MYO1C: variants seen among roughly 807,000 people sequenced by gnomAD.
The protein encoded by MYO1C is myosin IC.
Under a neutral mutation model 150.8 loss-of-function variants are expected in MYO1C, and 104 were observed. The ratio of observed to expected loss-of-function variants is 0.69; its 90% CI spans 0.59 to 0.81. MYO1C has a LOEUF of 0.81. Among genes scored for constraint, MYO1C ranks in the 30% least tolerant of loss-of-function variants. The pLI is 0.00. For synonymous variants in MYO1C, 663 were observed against 579.9 expected, an observed-to-expected ratio of 1.14 and a Z score of -2.06; for missense variants, 1,504 against 1,435.0, an observed-to-expected ratio of 1.05 and a Z score of -0.78.
Position 1,470,819 on chromosome 17 carries a change from TGAA to T in MYO1C, c.2213-133_2213-131del, listed in dbSNP as rs1029339092. The T allele has an allele frequency of 1.1e-4, 110 of 1,040,524 alleles. 1 individual carries two copies. Among genetic ancestry groups the T allele is most frequent in the Admixed American group, 2.6e-4 (13 of 49,170 alleles). 64.5% of individuals were successfully genotyped at this position (1,040,524 alleles called of 1,614,324 possible). A position where few individuals can be genotyped will look rare whatever the true frequency, so the allele number is the denominator to read the frequency against. On this transcript the variant is annotated intron_variant, in intron 21 of 31. Coordinates refer to ENST00000648651, the MANE Select transcript of MYO1C (RefSeq NM_001080779.2). ...GAACCAACGAGCAGGAGGAGAGTGG[TGAA>T]GAAGAATGAATGTGGGGACTGCCCG... is the stretch of plus-strand genomic sequence containing the variant.
At chr17:1,476,033 G>A (rs1485532528) in intron 14 of MYO1C, among the ~76,000 whole-genome samples, 1 of 152,192 alleles carries the variant, frequency 6.6e-6, no homozygotes, top group Non-Finnish European at 1.5e-5. Flanking sequence ...TGGGCGACGG[G>A]ATCACAGGTG....
intron 21 of MYO1C, 118 bp from the exon 22 acceptor site, chr17:1,470,807 G>A (rs1270866649): frequency 1.8e-6 from 2 of 1,127,354 alleles, no homozygotes; most frequent in Admixed American, 2.0e-5. Flanking sequence ...CCAACGAGCA[G>A]GAGGAGAGTG....
At chr17:1,472,325 A>G in intron 17 of MYO1C, 97 bp from the exon 18 acceptor site, 3 of 1,050,836 alleles carry the variant, frequency 2.9e-6, no homozygotes, top group Non-Finnish European at 4.3e-6. Flanking sequence ...TGACGCGCGC[A>G]GCAGCCTCTG....
chr17:1,474,853 G>C lies in MYO1C; in HGVS notation c.1675C>G (p.Leu559Val). ...GEVTYSVTGF[L>V]DKNNDLLFRN... The stretch of plus-strand genomic sequence containing the variant: ...AAGAGAAGGTCATTGTTTTTGTCCA[G>C]AAACCCTGGGAGGGGAGAACCGACG... Residue 559 changes from leucine (L) to valine (V), a missense_variant, in exon 16 of 32, where the codon CTG becomes GTG. By Grantham distance (32) the Leu-to-Val change is conservative. Coordinates refer to ENST00000648651, the MANE Select transcript of MYO1C (RefSeq NM_001080779.2). 1 of 1,613,870 alleles carries C rather than the reference G, an allele frequency of 6.2e-7. No individual in the cohort carries two copies. The highest frequency in any genetic ancestry group is 8.5e-7 in the Non-Finnish European group (1 of 1,179,992).
Position 1,471,280 on chromosome 17 carries a change from C to T in MYO1C, c.2078G>A (p.Gly693Glu), listed in dbSNP as rs1171031180. 1 of 1,614,018 alleles carries T rather than the reference C, an allele frequency of 6.2e-7. No homozygotes were observed. The highest frequency in any genetic ancestry group is 8.5e-7 in the Non-Finnish European group (1 of 1,179,998). ...CAGGTGTCGGACCAGCACAGCCACC[C>T]CATCCTGCGGCCGTCCTGCCCACGT... Reference protein sequence around the residue: ...WPTWAGRPQDGVAVLVRHLGY... With the variant: ...WPTWAGRPQDEVAVLVRHLGY... The change falls in exon 20 of 32, where the codon GGG becomes GAG. Residue 693 changes from glycine (G) to glutamate (E), a missense_variant. Coordinates refer to ENST00000648651, the MANE Select transcript of MYO1C (RefSeq NM_001080779.2).
In MYO1C at chr17:1,480,847, C is replaced by A. The variant is rs540645895; in HGVS notation, c.666G>T (p.Leu222=). The change falls in exon 6 of 32, where the codon CTG becomes CTT. Residue 222 remains leucine, a synonymous_variant. Coordinates refer to ENST00000648651, the MANE Select transcript of MYO1C (RefSeq NM_001080779.2). ...PVGGHILSYL[L]EKSRVVHQNH... The stretch of plus-strand genomic sequence containing the variant: ...TCTGGTGCACCACTCGTGACTTTTC[C>A]AGGAGGTAACTGAGGATGTGGCCAC... 1 of 1,614,136 alleles carries A rather than the reference C, an allele frequency of 6.2e-7. No individual in the cohort carries two copies. The highest frequency in any genetic ancestry group is 1.7e-5 in the Admixed American group (1 of 60,030).
chr17:1,472,736 C>A (rs1178467816), intron 17 of MYO1C, among the ~76,000 whole-genome samples: 1 of 152,062 alleles, frequency 6.6e-6, no homozygotes, highest in Non-Finnish European at 1.5e-5. Context: ...TTCATCCAGT[C>A]TGAGGGTTAG....
rs752534208 is a variant in MYO1C at position 1,485,657 on chromosome 17, G to A, written c.76-1354C>T. 7.5e-6 allele frequency: 9 copies of A among 1,207,790 alleles called. 1 individual carries two copies. The South Asian group carries it at 2.6e-4, about 34-fold the overall frequency. The allele number at this position is 1,207,790 out of a possible 1,614,324, so 74.8% of individuals were successfully genotyped here. A position where few individuals can be genotyped will look rare whatever the true frequency, so the allele number is the denominator to read the frequency against. ...CGCCGCGAGGTGGGGAGGGACGCCC[G>A]GGACCCCCCGCCCTGCCCCGCCGCC... On this transcript the variant is annotated intron_variant, in intron 1 of 31. Transcript: ENST00000648651.
rs745841017 is a variant in MYO1C at position 1,471,097 on chromosome 17, G to C, written c.2186C>G (p.Ala729Gly). ...FPKTLFATED[A>G]LEVRRQSLAT... ...CAGGCTCTGCCGCCGGACCTCCAGG[G>C]CATCCTCTGTGGCAAACAGGGTCTT... The change falls in exon 21 of 32, where the codon GCC becomes GGC. Residue 729 changes from alanine (A) to glycine (G), a missense_variant. By Grantham distance (60) the Ala-to-Gly change is moderately conservative. Transcript: ENST00000648651. The C allele has an allele frequency of 1.2e-6, 2 of 1,614,134 alleles. No individual in the cohort carries two copies. The highest frequency in any genetic ancestry group is 1.7e-5 in the Admixed American group (1 of 60,014).
Position 1,478,084 on chromosome 17 carries a change from C to T in MYO1C, c.1401+3G>A. The T allele has an allele frequency of 6.2e-7, 1 of 1,614,102 alleles. No homozygotes were observed. Among genetic ancestry groups the T allele is most frequent in the Admixed American group, 1.7e-5 (1 of 60,032 alleles). On this transcript the variant is annotated splice_donor_region_variant and intron_variant, in intron 12 of 31. Transcript: ENST00000648651. The surrounding 1 kb of genome is among the most constrained non-coding windows in gnomAD (Gnocchi z 6.3). The stretch of plus-strand genomic sequence containing the variant: ...CGGAGAGTGCCCCCAGGCTAGCACA[C>T]ACCGCGATGCCCTCTGCCTCGTACT...
chr17:1,474,440 A>G (rs1022629496), intron 17 of MYO1C, among the ~76,000 whole-genome samples, 170 bp downstream of exon 17: 8 of 151,548 alleles, frequency 5.3e-5, no homozygotes, highest in African/African-American at 1.7e-4. Flanking sequence ...AAAAAAAAAA[A>G]AAAAAAAAAA....
rs533458718 is a variant in MYO1C, at chr17:1,472,080, C to T, written c.1903+43G>A. 74 of 1,613,170 alleles carry T rather than the reference C, an allele frequency of 4.6e-5. No individual in the cohort carries two copies. In the South Asian group the frequency reaches 6.5e-4, roughly 14 times the overall value. ...GCTGGCGCTGACGGCCTGTCTCCTG[C>T]AGGGGAGGCCCGGCCCCGAAGTCCC... is the stretch of plus-strand genomic sequence containing the variant. On this transcript the variant is annotated intron_variant, in intron 18 of 31. Transcript: ENST00000648651.
At chr17:1,489,866 C>T (rs958421120) in intron 1 of MYO1C, among the ~76,000 whole-genome samples, 5 of 151,740 alleles carry the variant, frequency 3.3e-5, no homozygotes, top group African/African-American at 1.2e-4. Context: ...TGGTGAAACC[C>T]TGTTTCAACT....
Position 1,480,825 on chromosome 17 carries a change from G to T in MYO1C, c.688C>A (p.Gln230Lys). 6.2e-7 allele frequency: 1 copy of T among 1,614,180 alleles called. No individual in the cohort carries two copies. The highest frequency in any genetic ancestry group is 8.5e-7 in the Non-Finnish European group (1 of 1,180,034). The change falls in exon 6 of 32, where the codon CAG (glutamine) becomes AAG (lysine). Residue 230 changes from glutamine (Q) to lysine (K), a missense_variant. Physicochemically the swap from Gln to Lys is moderately conservative, Grantham distance 53. Coordinates refer to ENST00000648651, the MANE Select transcript of MYO1C (RefSeq NM_001080779.2). ...YLLEKSRVVH[Q>K]NHGERNFHIF... ...TGGAAGTTCCGCTCCCCATGATTCT[G>T]GTGCACCACTCGTGACTTTTCCAGG...
At position 1,465,653 on chromosome 17, in the gene MYO1C, C is replaced by CT. The variant is rs2074154267; in HGVS notation, c.*72dup. The CT allele has an allele frequency of 7.7e-7, 1 of 1,304,130 alleles. No individual in the cohort carries two copies. Among genetic ancestry groups the CT allele is most frequent in the Admixed American group, 3.0e-5 (1 of 32,810 alleles). 80.8% of individuals were successfully genotyped at this position (1,304,130 alleles called of 1,614,324 possible). The stretch of plus-strand genomic sequence containing the variant: ...TGGGTCCCTGTCTGGAAGTTCGAGT[C>CT]TTTGGTAACTGGGAAGGGGAGGAGG... On this transcript the variant is annotated 3_prime_UTR_variant, in exon 32 of 32. Transcript: ENST00000648651.
In MYO1C at chr17:1,465,588, G is replaced by A. The variant is rs2074153122; in HGVS notation, c.*138C>T. ...TGCTGCTCCCTCAAGAGAGGGATGG[G>A]CAGGAGGTGGGAGATTGCAGGTGGG... On this transcript the variant is annotated 3_prime_UTR_variant, in exon 32 of 32. Transcript: ENST00000648651. 6 of 922,324 alleles carry A rather than the reference G, an allele frequency of 6.5e-6. No homozygotes were observed. The allele number at this position is 922,324 out of a possible 1,614,324, so 57.1% of individuals were successfully genotyped here. A position where few individuals can be genotyped will look rare whatever the true frequency, so the allele number is the denominator to read the frequency against.
chr17:1,470,834 G>A (rs749219846), intron 21 of MYO1C, 145 bp from the exon 22 acceptor site: 1 of 988,014 alleles, frequency 1.0e-6, no homozygotes, highest in South Asian at 1.4e-5. Context: ...AAGAATGAAT[G>A]TGGGGACTGC....
In MYO1C at chr17:1,478,022, T is replaced by C. The variant is rs373964214; in HGVS notation, c.1402-51A>G. The C allele has an allele frequency of 5.8e-5, 94 of 1,612,274 alleles. No homozygotes were observed. The African/African-American group carries it at 1.2e-3, about 20-fold the overall frequency. ...ATCACCGTGGGGTCCTGGCACCCTCTCCCAGGGGCCCCGATACCCAGGCTC... is the reference window on the plus strand; with the variant it reads ...ATCACCGTGGGGTCCTGGCACCCTCCCCCAGGGGCCCCGATACCCAGGCTC... On this transcript the variant is annotated intron_variant, in intron 12 of 31. Coordinates refer to ENST00000648651, the MANE Select transcript of MYO1C (RefSeq NM_001080779.2). The surrounding 1 kb of genome is among the most constrained non-coding windows in gnomAD (Gnocchi z 6.3).
In MYO1C at chr17:1,469,599, G is replaced by T; in HGVS notation, c.2542C>A (p.Arg848=). The change falls in exon 25 of 32, where the codon CGG becomes AGG. Residue 848 remains arginine, a synonymous_variant. Transcript: ENST00000648651. ...PALREASELL[R]ELCIKNMVWK... is the part of the protein sequence containing the mutation. ...ACCATGTTCTTTATGCACAACTCCC[G>T]CAGAAGCTCTGAGGCCTAAGGGGAG... The T allele has an allele frequency of 6.2e-7, 1 of 1,612,310 alleles. No individual in the cohort carries two copies. The highest frequency in any genetic ancestry group is 8.5e-7 in the Non-Finnish European group (1 of 1,179,216).
Sources: gnomAD v4.1 joint callset for allele counts (sites outside exome capture counted in the v4.1 genomes callset) on GRCh38, gnomAD v4.1.1 for gene constraint, Gnocchi (gnomAD v3.1) non-coding constraint, MANE v1.5 for transcripts, NCBI Gene and HGNC (gene_info 2026-07-23, HGNC 2026-07-21) for gene names.